Variants in CPVL observed in about 807,000 individuals in gnomAD.
CPVL encodes probable serine carboxypeptidase CPVL.
In CPVL, 51 loss-of-function variants were observed where a neutral mutation model predicts 63.7. The observed-to-expected ratio is 0.80, with a 90% CI of 0.64 to 1.01. The LOEUF is 1.01. Ranked by LOEUF, CPVL falls within the 50% of genes least tolerant of loss-of-function variation. The pLI is 0.00. For synonymous variants in CPVL, 195 were observed against 206.0 expected, an observed-to-expected ratio of 0.95 and a Z score of 0.46; for missense variants, 530 against 573.1, an observed-to-expected ratio of 0.92 and a Z score of 0.77.
Position 29,079,078 on chromosome 7 carries a change from TA to T in CPVL, c.610-6656del, listed in dbSNP as rs1159504647. Among the ~76,000 whole-genome samples the T allele has an allele frequency of 4.6e-5, 7 of 152,314 alleles. No homozygotes were observed. In the Middle Eastern group the frequency reaches 0.01, roughly 222 times the overall value. On this transcript the variant is annotated intron_variant, in intron 7 of 12. Transcript: ENST00000265394. ...TCACTTGAAACTTCCACTTACTCTA[TA>T]AAACTTAATGATCAAAGCCAAGTCT... is the stretch of plus-strand genomic sequence containing the variant.
chr7:29,084,985 T>TA (rs1223040044), intron 7 of CPVL, among the ~76,000 whole-genome samples: 1 of 151,926 alleles, frequency 6.6e-6, no homozygotes, highest in Non-Finnish European at 1.5e-5. Flanking sequence ...GGAGAAGGGG[T>TA]AAAAAAATAC....
chr7:29,145,956 T>C (rs991520036), intron 1 of CPVL: 4 of 152,200 alleles, frequency 2.6e-5, no homozygotes, highest in African/African-American at 7.2e-5. Flanking sequence ...CAAGTTTCCC[T>C]GCTTTGGGCA....
chr7:29,005,502 T>C (rs1165688105), intron 12 of CPVL, among the ~76,000 whole-genome samples: 1 of 152,240 alleles, frequency 6.6e-6, no homozygotes, highest in African/African-American at 2.4e-5. Context: ...ATGAAGCAGC[T>C]TGAATGTGAA....
intron 11 of CPVL, among the ~76,000 whole-genome samples, chr7:29,039,682 T>C (rs772224360): frequency 1.3e-5 from 2 of 148,984 alleles, no homozygotes; most frequent in African/African-American, 5.2e-5. Context: ...AAAGCACACA[T>C]GTTACTGACA....
upstream of CPVL, chr7:29,146,887 A>T (rs745944058): frequency 2.6e-5 from 41 of 1,551,096 alleles, no homozygotes; most frequent in Non-Finnish European, 3.3e-5. Flanking sequence ...TTGGAAAGCG[A>T]GTGGTGTTTG....
At chr7:29,114,573 T>G (rs926853780) in intron 2 of CPVL, among the ~76,000 whole-genome samples, 18 of 151,746 alleles carry the variant, frequency 1.2e-4, no homozygotes, top group African/African-American at 3.4e-4. Flanking sequence ...AAGGCTGCAG[T>G]GAGCCATGAT....
upstream of CPVL, among the ~76,000 whole-genome samples, chr7:29,148,051 C>T (rs1793012564): frequency 6.6e-6 from 1 of 152,178 alleles, no homozygotes; most frequent in South Asian, 2.1e-4. Context: ...GTCCCCCAGC[C>T]ACCTCTTGGG....
chr7:29,128,224 T>C (rs6972102), intron 1 of CPVL: 3,036 of 150,500 alleles, frequency 0.02, 120 homozygotes, highest in African/African-American at 0.071. Context: ...TCAGCTCTCT[T>C]GGATCTCTGC....
chr7:29,108,211 C>T (rs539325598), intron 3 of CPVL, among the ~76,000 whole-genome samples: 3 of 152,276 alleles, frequency 2.0e-5, no homozygotes, highest in East Asian at 1.9e-4. Context: ...TGGGGTCCTC[C>T]GTGAAGGGGC....
At chr7:29,125,895 C>T (rs1428168505) in intron 1 of CPVL, among the ~76,000 whole-genome samples, 1 of 152,124 alleles carries the variant, frequency 6.6e-6, no homozygotes, top group Middle Eastern at 3.2e-3. Flanking sequence ...TCTGTAATAA[C>T]CCAGGTCCTG....
intron 3 of CPVL, among the ~76,000 whole-genome samples, chr7:29,100,280 A>G (rs1171942453): frequency 6.6e-6 from 1 of 152,192 alleles, no homozygotes; most frequent in African/African-American, 2.4e-5. Context: ...TCATTAAAAC[A>G]TTTTGGAGAG....
chr7:29,076,822 T>C lies in CPVL; in HGVS notation c.610-4399A>G, dbSNP rs571201180. Among the ~76,000 whole-genome samples, 300 of 152,348 alleles carry C rather than the reference T, an allele frequency of 2.0e-3. 1 individual carries two copies. Among genetic ancestry groups the C allele is most frequent in the Non-Finnish European group, 3.8e-3 (256 of 68,038 alleles). On this transcript the variant is annotated intron_variant, in intron 7 of 12. Coordinates refer to ENST00000265394, the MANE Select transcript of CPVL (RefSeq NM_031311.5). ...AAGGATCTCAGAATTCAGCTCTCAA[T>C]CTTTTATTTCTCCCAGGAGAGAAAA...
rs542522426 is a variant in CPVL, at chr7:29,072,548, T to C, written c.610-125A>G. On this transcript the variant is annotated intron_variant, in intron 7 of 12. Coordinates refer to ENST00000265394, the MANE Select transcript of CPVL (RefSeq NM_031311.5). ...CACATGAGGTATACCATCTGTTTCT[T>C]AACCCCACATTATAGATTCCATAAT... The C allele has an allele frequency of 7.6e-6, 8 of 1,050,040 alleles. No individual in the cohort carries two copies. The Admixed American group carries it at 1.4e-4, about 19-fold the overall frequency. The allele number at this position is 1,050,040 out of a possible 1,614,324, so 65.0% of individuals were successfully genotyped here.
At position 29,165,323 on chromosome 7, in the gene CPVL, A is replaced by C. The variant is rs1470548538; in HGVS notation, c.-11+15967T>G. Among the ~76,000 whole-genome samples the C allele has an allele frequency of 5.3e-5, 8 of 152,300 alleles. No homozygotes were observed. In the East Asian group the frequency reaches 1.5e-3, roughly 29 times the overall value. On this transcript the variant is annotated intron_variant, in intron 5 of 16. Coordinates refer to the CPVL transcript ENST00000409850. ...AATGGTATTTTTATTGCAATTTTGG[A>C]TTGATCTTTACTACTGTATAGAAAC...
intron 5 of CPVL, among the ~76,000 whole-genome samples, chr7:29,152,897 A>T (rs1332029114): frequency 3.3e-5 from 5 of 152,228 alleles, no homozygotes; most frequent in Non-Finnish European, 7.3e-5. Context: ...GGACCTCAGA[A>T]TTCTTTGCCC....
intron 5 of CPVL, among the ~76,000 whole-genome samples, chr7:29,175,118 C>G (rs934241954): frequency 6.6e-6 from 1 of 151,842 alleles, no homozygotes; most frequent in African/African-American, 2.4e-5. Context: ...GTGCTTCCCC[C>G]ATACTGTTCT....
At chr7:29,194,911 G>A in intron 1 of CPVL, 1 of 1,532,512 alleles carries the variant, frequency 6.5e-7, no homozygotes. Context: ...CACCGGGGCT[G>A]AGCGAGCAGC....
At chr7:29,124,854 TA>T (rs1200371916) in intron 1 of CPVL, 2 of 152,102 alleles carry the variant, frequency 1.3e-5, no homozygotes, top group Admixed American at 6.6e-5. Context: ...GTTGCTTTTT[TA>T]AAAAAACAAA....
chr7:29,146,625 C>T (rs1351056925), upstream of CPVL: 3 of 1,550,548 alleles, frequency 1.9e-6, no homozygotes, highest in South Asian at 1.2e-5. Flanking sequence ...CGTCGTGTCC[C>T]AACCTCCTGG....
Sources: gnomAD v4.1 joint callset for allele counts (sites outside exome capture counted in the v4.1 genomes callset) on GRCh38, gnomAD v4.1.1 for gene constraint, MANE v1.5 for transcripts, NCBI Gene and HGNC (gene_info 2026-07-23, HGNC 2026-07-21) for gene names.